The following CXADR variants were observed in gnomAD, a reference collection of about 807,000 sequenced individuals.
CXADR encodes the protein CXADR cell adhesion molecule.
CXADR carries 20 observed loss-of-function variants against 40.3 expected under a neutral mutation model. The ratio of observed to expected loss-of-function variants is 0.50; its 90% CI spans 0.35 to 0.72. CXADR has a LOEUF of 0.72. Among genes scored for constraint, CXADR ranks in the 30% least tolerant of loss-of-function variants. The pLI, the probability that CXADR is intolerant of heterozygous loss-of-function variation, is 0.01. For synonymous variants in CXADR, 150 were observed against 161.3 expected, an observed-to-expected ratio of 0.93 and a Z score of 0.53; for missense variants, 332 against 449.1, an observed-to-expected ratio of 0.74 and a Z score of 2.36.
chr21:17,621,608 CT>C, the CXADR span, among the ~76,000 whole-genome samples: 1 of 152,170 alleles, frequency 6.6e-6, no homozygotes, highest in Admixed American at 6.5e-5. Context: ...ATGAGGGCTC[CT>C]CTCTCATGAA....
At chr21:17,615,918 G>T in the CXADR span, among the ~76,000 whole-genome samples, 1 of 152,154 alleles carries the variant, frequency 6.6e-6, no homozygotes, top group African/African-American at 2.4e-5. Context: ...AAATATGTGA[G>T]TCTTTAAAAT....
intron 1 of CXADR, among the ~76,000 whole-genome samples, chr21:17,534,017 T>C (rs373987959): frequency 3.3e-4 from 34 of 103,632 alleles, no homozygotes; most frequent in Non-Finnish European, 6.2e-4. Context: ...AATATATATA[T>C]ATATATATAT....
chr21:17,537,692 C>T (rs1332682598), intron 1 of CXADR, among the ~76,000 whole-genome samples: 2 of 152,008 alleles, frequency 1.3e-5, no homozygotes, highest in East Asian at 1.9e-4. Context: ...TTTGTTTCCT[C>T]AGCGATAGAA....
the CXADR span, among the ~76,000 whole-genome samples, chr21:17,602,041 T>C: frequency 6.6e-6 from 1 of 152,174 alleles, no homozygotes; most frequent in Non-Finnish European, 1.5e-5. Flanking sequence ...TGGACAACTT[T>C]TAAACTTTCC....
the CXADR span, among the ~76,000 whole-genome samples, chr21:17,600,218 G>A: frequency 6.6e-6 from 1 of 151,988 alleles, no homozygotes; most frequent in Non-Finnish European, 1.5e-5. Flanking sequence ...AGTGGACATA[G>A]GAGAAATCCA....
chr21:17,609,965 T>C, the CXADR span, among the ~76,000 whole-genome samples: 1 of 152,198 alleles, frequency 6.6e-6, no homozygotes, highest in Non-Finnish European at 1.5e-5. Flanking sequence ...TACTGTGGTA[T>C]ATACATGTAA....
intron 7 of CXADR, among the ~76,000 whole-genome samples, chr21:17,578,347 T>C (rs1338119328): frequency 1.3e-5 from 2 of 152,236 alleles, no homozygotes; most frequent in Non-Finnish European, 2.9e-5. Flanking sequence ...AGGTGATAAG[T>C]TCTGGCCTTT....
the CXADR span, among the ~76,000 whole-genome samples, chr21:17,622,742 G>T: frequency 6.6e-6 from 1 of 152,164 alleles, no homozygotes; most frequent in East Asian, 1.9e-4. Context: ...GTTTGTAATT[G>T]TAGACTTGTA....
chr21:17,616,023 G>T, the CXADR span, among the ~76,000 whole-genome samples: 1 of 152,172 alleles, frequency 6.6e-6, no homozygotes, highest in Non-Finnish European at 1.5e-5. Flanking sequence ...GGCTGAGGCA[G>T]GTGGATCACC....
At chr21:17,555,654 G>A (rs1281808713) in intron 3 of CXADR, among the ~76,000 whole-genome samples, 1 of 152,002 alleles carries the variant, frequency 6.6e-6, no homozygotes, top group African/African-American at 2.4e-5. Flanking sequence ...ACGTCTGGGG[G>A]CACATGATGT....
chr21:17,569,648 C>T lies in CXADR; in HGVS notation c.*3956C>T. 1.0e-6 allele frequency: 1 copy of T among 979,550 alleles called. No homozygotes were observed. Among genetic ancestry groups the T allele is most frequent in the Non-Finnish European group, 1.2e-6 (1 of 824,732 alleles). The allele number at this position is 979,550 out of a possible 1,614,324, so 60.7% of individuals were successfully genotyped here. A position where few individuals can be genotyped will look rare whatever the true frequency, so the allele number is the denominator to read the frequency against. On this transcript the variant is annotated 3_prime_UTR_variant, in exon 7 of 7. Coordinates refer to ENST00000284878, the MANE Select transcript of CXADR (RefSeq NM_001338.5). ...TCTTTAGGGAAGGCTGATCATTTAT[C>T]TTATAGCAGATAACCCCAGCCTCTT... is the stretch of plus-strand genomic sequence containing the variant.
chr21:17,551,694 A>G (rs1213534755), intron 2 of CXADR, 55 bp from the exon 3 acceptor site: 3 of 1,501,510 alleles, frequency 2.0e-6, no homozygotes, highest in African/African-American at 1.4e-5. Context: ...TTTAAGAGAC[A>G]GTTTTTTTTG....
chr21:17,605,751 T>C, the CXADR span, among the ~76,000 whole-genome samples: 3 of 152,336 alleles, frequency 2.0e-5, no homozygotes, highest in South Asian at 4.1e-4. Flanking sequence ...TTCTGTTAAA[T>C]GATAAGCATT....
the CXADR span, chr21:17,608,912 C>T: frequency 2.9e-5 from 44 of 1,512,454 alleles, no homozygotes; most frequent in South Asian, 6.5e-5. Context: ...TTCAATCATC[C>T]GGCCTTGAAC....
chr21:17,574,409 A>G (rs2824371), downstream of CXADR, among the ~76,000 whole-genome samples: 1 of 152,098 alleles, frequency 6.6e-6, no homozygotes, highest in Non-Finnish European at 1.5e-5. Flanking sequence ...TTAACAGTGA[A>G]TGGATTGGTC....
rs558437053 is a variant in CXADR at position 17,549,262 on chromosome 21, C to T, written c.210+2069C>T. ...AACAAGTGCAGTTGGGATTTGAACC[C>T]AGGTCCCTCTGACTCTCACAGCTGC... On this transcript the variant is annotated intron_variant, in intron 2 of 6. Transcript: ENST00000284878. 1.5e-4 allele frequency among the ~76,000 whole-genome samples: 23 copies of T among 152,290 alleles called. 1 individual carries two copies. The South Asian group carries it at 2.9e-3, about 19-fold the overall frequency.
the CXADR span, chr21:17,612,301 C>T: frequency 6.6e-6 from 1 of 152,204 alleles, no homozygotes; most frequent in African/African-American, 2.4e-5. Context: ...CCCGGCTTCC[C>T]GGAGGCGCGA....
At chr21:17,586,134 TA>T (rs2061393993) in intron 7 of CXADR, among the ~76,000 whole-genome samples, 1 of 152,116 alleles carries the variant, frequency 6.6e-6, no homozygotes, top group Non-Finnish European at 1.5e-5. Context: ...TCTCAATTTA[TA>T]GTTCCCTCGT....
chr21:17,618,919 G>A, the CXADR span, among the ~76,000 whole-genome samples: 2 of 152,082 alleles, frequency 1.3e-5, no homozygotes, highest in Admixed American at 6.6e-5. Flanking sequence ...TGTGTTAGAG[G>A]GCATGAAACA....
Sources: gnomAD v4.1 joint callset for allele counts (sites outside exome capture counted in the v4.1 genomes callset) on GRCh38, gnomAD v4.1.1 for gene constraint, MANE v1.5 for transcripts, NCBI Gene and HGNC (gene_info 2026-07-23, HGNC 2026-07-21) for gene names.